TENM3: variants seen among roughly 807,000 people sequenced by gnomAD.
TENM3 encodes the protein teneurin transmembrane protein 3.
TENM3 carries 63 observed loss-of-function variants against 255.1 expected under a neutral mutation model. The observed-to-expected ratio is 0.25, with a 90% CI of 0.20 to 0.30. The LOEUF (loss-of-function observed/expected upper bound fraction) is 0.30. TENM3 is among the 10% of genes least tolerant of loss of function. The pLI, the probability that TENM3 is intolerant of heterozygous loss-of-function variation, is 1.00. For missense variants in TENM3, 2,929 were observed against 3,461.1 expected (o/e 0.85, Z 3.86); for synonymous variants, 1,306 against 1,322.3 (o/e 0.99, Z 0.27).
At chr4:181,782,127 G>T in the TENM3 span, among the ~76,000 whole-genome samples, 15 of 152,010 alleles carry the variant, frequency 9.9e-5, no homozygotes, top group African/African-American at 3.4e-4. Flanking sequence ...GGATGATGCT[G>T]GCCTCATAAA....
At chr4:181,982,519 T>C in the TENM3 span, among the ~76,000 whole-genome samples, 32 of 152,244 alleles carry the variant, frequency 2.1e-4, 1 homozygote, top group South Asian at 4.8e-3. Flanking sequence ...GAGAGTAACT[T>C]AGGCACTTCT....
At chr4:182,492,346 C>T (rs774739975) in intron 3 of TENM3, among the ~76,000 whole-genome samples, 5 of 152,106 alleles carry the variant, frequency 3.3e-5, no homozygotes, top group African/African-American at 9.7e-5. Flanking sequence ...ATGAGATATA[C>T]GGGATGGTGT....
At chr4:181,824,884 G>A in the TENM3 span, among the ~76,000 whole-genome samples, 1 of 152,162 alleles carries the variant, frequency 6.6e-6, no homozygotes, top group Non-Finnish European at 1.5e-5. Context: ...CCGGCCACCA[G>A]GTTACAATGC....
At chr4:181,580,679 AAGAG>A in the TENM3 span, among the ~76,000 whole-genome samples, 113 of 152,144 alleles carry the variant, frequency 7.4e-4, no homozygotes, top group Middle Eastern at 0.024. Context: ...GAGACAGAGA[AAGAG>A]AGAGAGAGGA....
chr4:181,639,056 G>T, the TENM3 span, among the ~76,000 whole-genome samples: 26 of 151,968 alleles, frequency 1.7e-4, no homozygotes, highest in Middle Eastern at 3.4e-3. Context: ...CATTTTTTTT[G>T]ACTGTTTGGG....
rs573170897 is a variant in TENM3 at position 182,799,578 on chromosome 4, C to T, written c.7345-18C>T. 46 of 1,532,888 alleles carry T rather than the reference C, an allele frequency of 3.0e-5. No individual in the cohort carries two copies. The African/African-American group carries it at 5.9e-4, about 20-fold the overall frequency. The allele number at this position is 1,532,888 out of a possible 1,614,324, so 95.0% of individuals were successfully genotyped here. On this transcript the variant is annotated intron_variant, in intron 27 of 27. Transcript: ENST00000511685. The surrounding 1 kb of genome is among the most constrained non-coding windows in gnomAD (Gnocchi z 4.2). ...CCCGGCCGCCTCTGACGCGCCCCCT[C>T]TTTTGTTTCGCCCGCAGCCCATCTT...
chr4:182,442,560 A>G (rs778690297), intron 3 of TENM3, among the ~76,000 whole-genome samples: 1 of 152,142 alleles, frequency 6.6e-6, no homozygotes, highest in Non-Finnish European at 1.5e-5. Flanking sequence ...AAGATTTTTG[A>G]CATTCAACCA....
At chr4:181,790,141 G>A in the TENM3 span, among the ~76,000 whole-genome samples, 3 of 152,288 alleles carry the variant, frequency 2.0e-5, no homozygotes, top group East Asian at 5.8e-4. Flanking sequence ...CAGGTAGATA[G>A]TGTCAGAATT....
the TENM3 span, among the ~76,000 whole-genome samples, chr4:181,674,478 G>A: frequency 1.8e-4 from 27 of 151,442 alleles, no homozygotes; most frequent in Admixed American, 1.3e-3. Flanking sequence ...ACATCAAATG[G>A]TTTCCTTTTG....
At chr4:182,373,215 A>G (rs1351269357) in intron 3 of TENM3, among the ~76,000 whole-genome samples, 1 of 152,224 alleles carries the variant, frequency 6.6e-6, no homozygotes, top group African/African-American at 2.4e-5. Context: ...ATTAAGACAG[A>G]AAAGACTCTG....
the TENM3 span, among the ~76,000 whole-genome samples, chr4:181,577,764 AC>A: frequency 6.6e-6 from 1 of 151,100 alleles, no homozygotes; most frequent in Non-Finnish European, 1.5e-5. Context: ...TATTTTTAAT[AC>A]ATGAGAGTTC....
intron 3 of TENM3, among the ~76,000 whole-genome samples, chr4:182,356,366 A>G (rs532888225): frequency 5.9e-5 from 9 of 152,260 alleles, no homozygotes; most frequent in African/African-American, 2.2e-4. Flanking sequence ...AGGATAATGT[A>G]GGTATAGTGG....
chr4:181,965,803 GAGA>G, the TENM3 span, among the ~76,000 whole-genome samples: 3 of 152,144 alleles, frequency 2.0e-5, no homozygotes, highest in East Asian at 1.9e-4. Flanking sequence ...ATTTTTAAAA[GAGA>G]AGGTGAGGCA....
the TENM3 span, among the ~76,000 whole-genome samples, chr4:181,476,849 G>C: frequency 6.6e-6 from 1 of 152,160 alleles, no homozygotes; most frequent in African/African-American, 2.4e-5. Context: ...AGTTTGTGCA[G>C]AAGGACAGTC....
the TENM3 span, among the ~76,000 whole-genome samples, chr4:181,901,057 A>G: frequency 0.039 from 5,876 of 152,274 alleles, 402 homozygotes; most frequent in African/African-American, 0.13. Context: ...ACTTGCAGCA[A>G]ACCTTCTCAA....
chr4:182,675,761 A>G (rs1337236400), intron 7 of TENM3, among the ~76,000 whole-genome samples: 1 of 152,200 alleles, frequency 6.6e-6, no homozygotes, highest in African/African-American at 2.4e-5. Flanking sequence ...AAATAATTTC[A>G]GGTAAGAATT....
chr4:182,094,394 C>T, the TENM3 span, among the ~76,000 whole-genome samples: 4 of 152,030 alleles, frequency 2.6e-5, no homozygotes, highest in African/African-American at 7.2e-5. Flanking sequence ...TATAAGCACA[C>T]GCCACCATGC....
At chr4:182,393,541 A>G (rs1383829190) in intron 3 of TENM3, among the ~76,000 whole-genome samples, 3 of 152,244 alleles carry the variant, frequency 2.0e-5, no homozygotes, top group Non-Finnish European at 4.4e-5. Context: ...CTGCCAAAAC[A>G]TAATTCTTAT....
intron 3 of TENM3, among the ~76,000 whole-genome samples, chr4:182,533,614 A>T (rs548868560): frequency 6.6e-5 from 10 of 151,834 alleles, no homozygotes; most frequent in Non-Finnish European, 1.2e-4. Flanking sequence ...ACTCTCTTGG[A>T]AAGAATATTC....
Sources: allele counts gnomAD v4.1 joint callset (sites outside exome capture counted in the v4.1 genomes callset), GRCh38; gene constraint gnomAD v4.1.1; non-coding constraint Gnocchi (gnomAD v3.1); transcripts MANE v1.5; gene names NCBI Gene and HGNC (gene_info 2026-07-23, HGNC 2026-07-21).